PDZD2: variants seen among roughly 807,000 people sequenced by gnomAD.
PDZD2 encodes PDZ domain-containing protein 2.
In PDZD2, 90 loss-of-function variants were observed where a neutral mutation model predicts 220.7. That is an observed-to-expected ratio of 0.41 (90% CI 0.34 to 0.49). The LOEUF is 0.49. Ranked by LOEUF, PDZD2 falls within the 20% of genes least tolerant of loss-of-function variation. The pLI is 0.28. For synonymous variants in PDZD2, 1,375 were observed against 1,450.5 expected, an observed-to-expected ratio of 0.95 and a Z score of 1.18; for missense variants, 3,174 against 3,608.5, an observed-to-expected ratio of 0.88 and a Z score of 3.08.
At chr5:31,893,345 C>T (rs978300460) in intron 2 of PDZD2, among the ~76,000 whole-genome samples, 3 of 152,096 alleles carry the variant, frequency 2.0e-5, no homozygotes, top group South Asian at 2.1e-4. Flanking sequence ...CCAAGGTGGG[C>T]GGATTGCTTG....
rs1743025626 is a variant in PDZD2 at position 32,090,607 on chromosome 5, G to A, written c.7159G>A (p.Asp2387Asn). The change falls in exon 20 of 25, where the codon GAC (aspartate) becomes AAC (asparagine). Residue 2387 changes from aspartate to asparagine, a missense_variant. Coordinates refer to ENST00000438447, the MANE Select transcript of PDZD2 (RefSeq NM_178140.4). This position sits in a 1 kb window ranked among gnomAD's most constrained non-coding sequence, Gnocchi z 4.3. ...TTCCGGGAGCCTGGGCCACCCAGGT[G>A]ACGCAGCAGCAAGGTTGTTGAGACG... ...IVSGSLGHPG[D>N]AAARLLRRSL... The A allele has an allele frequency of 6.2e-7, 1 of 1,614,064 alleles. No individual in the cohort carries two copies. The highest frequency in any genetic ancestry group is 1.3e-5 in the African/African-American group (1 of 75,036).
chr5:31,663,808 G>A (rs1023382106), intron 1 of PDZD2, among the ~76,000 whole-genome samples: 3 of 152,214 alleles, frequency 2.0e-5, no homozygotes, highest in African/African-American at 7.2e-5. Flanking sequence ...GACAGCTGGG[G>A]CAGGCTTGGC....
At chr5:31,673,483 G>A (rs1490365048) in intron 1 of PDZD2, among the ~76,000 whole-genome samples, 1 of 152,188 alleles carries the variant, frequency 6.6e-6, no homozygotes, top group African/African-American at 2.4e-5. Context: ...GTGTGCATGA[G>A]GTGAGTTGGG....
chr5:31,809,538 C>A (rs10940969), intron 2 of PDZD2, among the ~76,000 whole-genome samples: 96,072 of 152,012 alleles, frequency 0.63, 31,251 homozygotes, highest in African/African-American at 0.79. Context: ...CGCCTGTGCT[C>A]AGCTCTTCGT....
At chr5:32,003,350 C>CA (rs1752502792) in intron 5 of PDZD2, among the ~76,000 whole-genome samples, 1 of 41,706 alleles carries the variant, frequency 2.4e-5, no homozygotes, top group African/African-American at 1.0e-4. Context: ...CACACACACA[C>CA]CACACACCAC....
At chr5:32,024,290 T>C (rs7722230) in intron 6 of PDZD2, among the ~76,000 whole-genome samples, 140,785 of 152,264 alleles carry the variant, frequency 0.92, 65,414 homozygotes, top group Non-Finnish European at 0.97. Flanking sequence ...TTTGCCATCA[T>C]CCCTCAAGCC....
intron 1 of PDZD2, among the ~76,000 whole-genome samples, chr5:31,735,979 A>G (rs769113580): frequency 6.6e-6 from 1 of 151,906 alleles, no homozygotes; most frequent in African/African-American, 2.4e-5. Context: ...ACTCCAAATT[A>G]TATAGAGCAC....
intron 2 of PDZD2, among the ~76,000 whole-genome samples, chr5:31,871,809 G>A (rs1159893367): frequency 6.6e-6 from 1 of 151,044 alleles, no homozygotes; most frequent in Non-Finnish European, 1.5e-5. Context: ...ATAAATACAG[G>A]GTTTTTTGTT....
intron 6 of PDZD2, among the ~76,000 whole-genome samples, chr5:32,024,767 G>T (rs1350420117): frequency 6.6e-6 from 1 of 152,120 alleles, no homozygotes; most frequent in African/African-American, 2.4e-5. Flanking sequence ...GGGCTCCGTT[G>T]TAGATGAGGA....
chr5:32,065,870 A>T (rs1461389986), intron 14 of PDZD2, among the ~76,000 whole-genome samples: 1 of 152,152 alleles, frequency 6.6e-6, no homozygotes, highest in Non-Finnish European at 1.5e-5. Context: ...TACTAAAAAT[A>T]TAAAAATTAG....
intron 1 of PDZD2, among the ~76,000 whole-genome samples, chr5:31,733,252 TG>T (rs35917579): frequency 6.6e-6 from 1 of 152,110 alleles, no homozygotes; most frequent in South Asian, 2.1e-4. Context: ...CAATTCTTGA[TG>T]GGAACAACGC....
chr5:31,713,411 T>G (rs1294200655), intron 1 of PDZD2, among the ~76,000 whole-genome samples: 1 of 152,248 alleles, frequency 6.6e-6, no homozygotes, highest in African/African-American at 2.4e-5. Flanking sequence ...ATCTGCATAC[T>G]AATTATTCCC....
chr5:31,810,596 G>T (rs1053401877), intron 2 of PDZD2, among the ~76,000 whole-genome samples: 1 of 152,144 alleles, frequency 6.6e-6, no homozygotes, highest in Non-Finnish European at 1.5e-5. Flanking sequence ...TCAGGCTTTG[G>T]CACCTGTTTT....
chr5:32,100,297 T>C (rs115070741), intron 23 of PDZD2: 250 of 169,316 alleles, frequency 1.5e-3, no homozygotes, highest in Non-Finnish European at 2.3e-3. Context: ...GGCAGTTTAA[T>C]CCATCCGTGG....
intron 1 of PDZD2, among the ~76,000 whole-genome samples, chr5:31,676,974 T>C (rs1746453557): frequency 6.6e-6 from 1 of 152,142 alleles, no homozygotes. Context: ...GCGGATCCTA[T>C]TCCTTCCCCT....
intron 2 of PDZD2, among the ~76,000 whole-genome samples, chr5:31,917,937 C>T (rs1027065565): frequency 5.9e-5 from 9 of 152,118 alleles, no homozygotes; most frequent in Non-Finnish European, 1.2e-4. Flanking sequence ...TGGAGTTTCA[C>T]CAAGTTGGCC....
intron 15 of PDZD2, among the ~76,000 whole-genome samples, chr5:32,071,093 G>C (rs1226106991): frequency 6.6e-6 from 1 of 152,164 alleles, no homozygotes; most frequent in African/African-American, 2.4e-5. Flanking sequence ...TTGATGTGTG[G>C]GTAGGATAAA....
chr5:31,921,837 A>T (rs1034386528), intron 2 of PDZD2, among the ~76,000 whole-genome samples: 1 of 152,116 alleles, frequency 6.6e-6, no homozygotes, highest in African/African-American at 2.4e-5. Flanking sequence ...CAGTGCTGGG[A>T]GGATTACACT....
rs974554383 is a variant in PDZD2 at position 31,997,096 on chromosome 5, G to A, written c.1121+1378G>A. 5.3e-5 allele frequency among the ~76,000 whole-genome samples: 8 copies of A among 152,246 alleles called. No homozygotes were observed. In the East Asian group the frequency reaches 7.7e-4, roughly 15 times the overall value. On this transcript the variant is annotated intron_variant, in intron 4 of 24. Coordinates refer to ENST00000438447, the MANE Select transcript of PDZD2 (RefSeq NM_178140.4). The stretch of plus-strand genomic sequence containing the variant: ...TTGCAAGGCCTGCTGGGGCGTGTAC[G>A]TATGTTGTATGCCCACACATATACA...
Sources: gnomAD v4.1 joint callset for allele counts (sites outside exome capture counted in the v4.1 genomes callset) on GRCh38, gnomAD v4.1.1 for gene constraint, Gnocchi (gnomAD v3.1) non-coding constraint, MANE v1.5 for transcripts, NCBI Gene and HGNC (gene_info 2026-07-23, HGNC 2026-07-21) for gene names.